Variants in ZBTB4 observed in about 807,000 individuals in gnomAD.
ZBTB4 encodes the protein zinc finger and BTB domain-containing protein 4.
In ZBTB4, 14 loss-of-function variants were observed where a neutral mutation model predicts 59.8. That is an observed-to-expected ratio of 0.23 (90% CI 0.15 to 0.37). The LOEUF (loss-of-function observed/expected upper bound fraction) is 0.37. Among genes scored for constraint, ZBTB4 ranks in the 10% least tolerant of loss-of-function variants. ZBTB4 has a pLI of 1.00. For missense variants in ZBTB4, 1,198 were observed against 1,380.8 expected (o/e 0.87, Z 2.10); for synonymous variants, 587 against 575.2 (o/e 1.02, Z -0.29).
rs1176097090 is a variant in ZBTB4 at position 7,463,402 on chromosome 17, G to A, written c.1580C>T (p.Pro527Leu). 6.3e-7 allele frequency: 1 copy of A among 1,585,556 alleles called. No homozygotes were observed. Among genetic ancestry groups the A allele is most frequent in the African/African-American group, 1.3e-5 (1 of 74,328 alleles). Reference protein sequence around the residue: ...PKKREYPPPPPEPAATPTSPA... With the variant: ...PKKREYPPPPLEPAATPTSPA... ...GCTGGTGGGTGTGGCTGCAGGCTCA[G>A]GGGGAGGAGGTGGGTATTCTCGTTT... Residue 527 changes from proline to leucine, a missense_variant, in exon 4 of 4, where the codon CCT becomes CTT. Pro to Leu is a moderately conservative substitution (Grantham distance 98, BLOSUM62 -3). This residue lies in a region of ZBTB4 where 550 missense variants were observed against 541.8 expected (regional missense o/e 1.02). Transcript: ENST00000380599.
chr17:7,482,737 G>C (rs1313088669), upstream of ZBTB4: 1 of 1,612,006 alleles, frequency 6.2e-7, no homozygotes, highest in Non-Finnish European at 8.5e-7. Flanking sequence ...GTGATCTCCC[G>C]AGTTGGAGTT....
chr17:7,481,365 A>C (rs547614400), upstream of ZBTB4: 1 of 1,172,752 alleles, frequency 8.5e-7, no homozygotes, highest in Admixed American at 4.2e-5. Context: ...GAAAAGAAGC[A>C]GAGTTGGACT....
At position 7,461,058 on chromosome 17, in the gene ZBTB4, G is replaced by T. The variant is rs951480709; in HGVS notation, c.*882C>A. On this transcript the variant is annotated 3_prime_UTR_variant, in exon 4 of 4. Transcript: ENST00000380599. ...TAGATTCCCTTCTCCATCCCATATG[G>T]AGTTCTTCCCTCCTGGCCCCCAAAT... is the stretch of plus-strand genomic sequence containing the variant. 6.6e-6 allele frequency: 1 copy of T among 152,660 alleles called. No individual in the cohort carries two copies. The highest frequency in any genetic ancestry group is 1.5e-5 in the Non-Finnish European group (1 of 68,066). 9.5% of individuals were successfully genotyped at this position (152,660 alleles called of 1,614,324 possible).
intron 1 of ZBTB4, among the ~76,000 whole-genome samples, chr17:7,470,342 G>A (rs2150859102): frequency 6.6e-6 from 1 of 152,070 alleles, no homozygotes; most frequent in African/African-American, 2.4e-5. Flanking sequence ...AGGCTGCAGT[G>A]AGTTATGATT....
At position 7,464,890 on chromosome 17, in the gene ZBTB4, C is replaced by T. The variant is rs530858056; in HGVS notation, c.1091+821G>A. Reference sequence around the variant, plus strand: ...AAAAAAATGCCGCCGGGCGCGGTGGCTCATGCCTGTAATCTCAGCACTTTG... The same window carrying T: ...AAAAAAATGCCGCCGGGCGCGGTGGTTCATGCCTGTAATCTCAGCACTTTG... On this transcript the variant is annotated intron_variant, in intron 3 of 3. Coordinates refer to ENST00000380599, the MANE Select transcript of ZBTB4 (RefSeq NM_001128833.2). 2.3e-4 allele frequency among the ~76,000 whole-genome samples: 35 copies of T among 150,102 alleles called. No individual in the cohort carries two copies. In the South Asian group the frequency reaches 7.3e-3, roughly 32 times the overall value.
intron 3 of ZBTB4, among the ~76,000 whole-genome samples, chr17:7,465,257 G>A (rs1026900992): frequency 6.6e-6 from 1 of 151,252 alleles, no homozygotes; most frequent in Non-Finnish European, 1.5e-5. Context: ...AGGAGTTCAA[G>A]ACCATCCTGA....
At chr17:7,464,476 G>A (rs1207328285) in intron 3 of ZBTB4, among the ~76,000 whole-genome samples, 2 of 151,102 alleles carry the variant, frequency 1.3e-5, no homozygotes, top group African/African-American at 2.4e-5. Context: ...AACTGGGGCT[G>A]GAGGGAGGCA....
chr17:7,483,022 G>A (rs368797549), upstream of ZBTB4: 40 of 1,611,960 alleles, frequency 2.5e-5, no homozygotes, highest in African/African-American at 2.1e-4. Context: ...GGGAGCCCGG[G>A]GGTTGGGAGG....
At chr17:7,482,267 C>G (rs2070354455), upstream of ZBTB4, 3 of 1,614,054 alleles carry the variant, frequency 1.9e-6, no homozygotes, top group Non-Finnish European at 2.5e-6. Flanking sequence ...CGACCCCCTT[C>G]TGGGACCTCC....
In ZBTB4 at chr17:7,466,449, G is replaced by T. The variant is rs528842525; in HGVS notation, c.353C>A (p.Pro118His). Residue 118 changes from proline (P) to histidine (H), a missense_variant, in exon 3 of 4, where the codon CCT (proline) becomes CAT (histidine). Physicochemically the swap from Pro to His is moderately conservative, Grantham distance 77. Transcript: ENST00000380599. The surrounding 1 kb of genome is among the most constrained non-coding windows in gnomAD (Gnocchi z 9.1). ...SSSSPPPASPPASSPPRVLEL... is the reference protein window; with the variant it reads ...SSSSPPPASPHASSPPRVLEL... ...CAGGACCCGGGGTGGGGAAGAAGCA[G>T]GGGGAGAGGCTGGAGGGGGAGAGGA... 3.7e-6 allele frequency: 6 copies of T among 1,613,314 alleles called. No individual in the cohort carries two copies. In the African/African-American group the frequency reaches 8.0e-5, roughly 21 times the overall value.
intron 2 of ZBTB4, among the ~76,000 whole-genome samples, chr17:7,467,024 A>C (rs1398749853): frequency 6.6e-6 from 1 of 152,164 alleles, no homozygotes; most frequent in Non-Finnish European, 1.5e-5. Flanking sequence ...CTGAGGCTGG[A>C]AGAGGCCAGA....
chr17:7,466,158 C>G lies in ZBTB4; in HGVS notation c.644G>C (p.Gly215Ala). ...AGGGGCCTGGGCCTCAGCCCTGTCA[C>G]CCTCCCACTCCCCAGCTGGCCTGGG... ...PGPRPAGEWE[G>A]DRAEAQAPDL... The change falls in exon 3 of 4, where the codon GGT (glycine) becomes GCT (alanine). Residue 215 changes from glycine to alanine, a missense_variant. By Grantham distance (60) the Gly-to-Ala change is moderately conservative. This residue lies in a region of ZBTB4 where 204 missense variants were observed against 205.5 expected (regional missense o/e 0.99). Transcript: ENST00000380599. This position sits in a 1 kb window ranked among gnomAD's most constrained non-coding sequence, Gnocchi z 9.1. 6.2e-7 allele frequency: 1 copy of G among 1,612,920 alleles called. No homozygotes were observed. Among genetic ancestry groups the G allele is most frequent in the Non-Finnish European group, 8.5e-7 (1 of 1,179,806 alleles).
chr17:7,470,324 G>C (rs889015517), intron 1 of ZBTB4, among the ~76,000 whole-genome samples: 3 of 151,958 alleles, frequency 2.0e-5, no homozygotes, highest in Non-Finnish European at 2.9e-5. Context: ...CTTAAGCCCA[G>C]GAGTTCAAGG....
chr17:7,462,671 C>T lies in ZBTB4; in HGVS notation c.2311G>A (p.Ala771Thr), dbSNP rs554603098. The T allele has an allele frequency of 8.7e-6, 14 of 1,607,240 alleles. No individual in the cohort carries two copies. Among genetic ancestry groups the T allele is most frequent in the East Asian group, 6.7e-5 (3 of 44,872 alleles). ...PSTRFTCPHCAKVCKTAAALS... is the reference protein window; with the variant it reads ...PSTRFTCPHCTKVCKTAAALS... The stretch of plus-strand genomic sequence containing the variant: ...GCAGCTGCGGTCTTGCACACCTTGG[C>T]GCAGTGGGGGCAGGTAAAGCGGGTG... The change falls in exon 4 of 4, where the codon GCC becomes ACC. Residue 771 changes from alanine (A) to threonine (T), a missense_variant. Physicochemically the swap from Ala to Thr is moderately conservative, Grantham distance 58. Transcript: ENST00000380599. The surrounding 1 kb of genome is among the most constrained non-coding windows in gnomAD (Gnocchi z 7.5).
chr17:7,471,423 G>T (rs1176383106), intron 1 of ZBTB4, among the ~76,000 whole-genome samples: 2 of 152,170 alleles, frequency 1.3e-5, no homozygotes, highest in Non-Finnish European at 2.9e-5. Context: ...GATGTGCAAA[G>T]TATAATGCTA....
At chr17:7,482,540 G>T (rs993249664), upstream of ZBTB4, 2 of 1,612,858 alleles carry the variant, frequency 1.2e-6, no homozygotes, top group Non-Finnish European at 1.7e-6. Flanking sequence ...GGGGATCACG[G>T]GTGTCTACAC....
intron 2 of ZBTB4, 76 bp downstream of exon 2, chr17:7,467,181 C>T (rs1056482533): frequency 9.5e-7 from 1 of 1,051,388 alleles, no homozygotes; most frequent in African/African-American, 1.7e-5. Flanking sequence ...CCAGCCTAGA[C>T]AAAATGGCCG....
At chr17:7,476,037 C>T (rs770843654) in intron 1 of ZBTB4, among the ~76,000 whole-genome samples, 11 of 152,212 alleles carry the variant, frequency 7.2e-5, no homozygotes, top group African/African-American at 1.2e-4. Flanking sequence ...CTGAAATCGC[C>T]GCCGAGCTTG....
In ZBTB4 at chr17:7,462,054, T is replaced by G; in HGVS notation, c.2928A>C (p.Ala976=). Residue 976 remains alanine, a synonymous_variant, in exon 4 of 4, where the codon GCA becomes GCC. Transcript: ENST00000380599. This position sits in a 1 kb window ranked among gnomAD's most constrained non-coding sequence, Gnocchi z 7.5. ...GTGGTGTTGGTGGGGCAGGGGGTGC[T>G]GCTTGAGGATTCACTGCGTAGCCAA... ...GVFGYAVNPQ[A]APPAPPTPPP... The G allele has an allele frequency of 6.2e-7, 1 of 1,600,008 alleles. No individual in the cohort carries two copies. Among genetic ancestry groups the G allele is most frequent in the Non-Finnish European group, 8.5e-7 (1 of 1,172,766 alleles).
Sources: gnomAD v4.1 joint callset for allele counts (sites outside exome capture counted in the v4.1 genomes callset) on GRCh38, gnomAD v4.1.1 for gene constraint, gnomAD v4.1.1 regional missense constraint, Gnocchi (gnomAD v3.1) non-coding constraint, MANE v1.5 for transcripts, NCBI Gene and HGNC (gene_info 2026-07-23, HGNC 2026-07-21) for gene names.